The following IGF2R variants were observed in gnomAD, a reference collection of about 807,000 sequenced individuals.
IGF2R encodes cation-independent mannose-6-phosphate receptor.
IGF2R carries 91 observed loss-of-function variants against 270.6 expected under a neutral mutation model. The observed-to-expected ratio is 0.34, with a 90% confidence interval of 0.28 to 0.40. The LOEUF (loss-of-function observed/expected upper bound fraction) is 0.40, where lower values mean the gene tolerates loss of function less well. IGF2R is among the 10% of genes least tolerant of loss of function. The pLI is 1.00. For missense variants in IGF2R, 2,805 were observed against 3,188.3 expected (o/e 0.88, Z 2.90); for synonymous variants, 1,316 against 1,258.9 (o/e 1.05, Z -0.96).
chr6:160,074,171 G>C, intron 35 of IGF2R, 196 bp downstream of exon 35: 1 of 581,608 alleles, frequency 1.7e-6, no homozygotes, highest in East Asian at 2.9e-5. Context: ...GATGATGGTA[G>C]CCAGCCAGTC....
chr6:159,978,381 C>A (rs762721338), intron 1 of IGF2R, among the ~76,000 whole-genome samples: 1 of 151,794 alleles, frequency 6.6e-6, no homozygotes, highest in Non-Finnish European at 1.5e-5. Flanking sequence ...CACCCTCCTG[C>A]ATGTGGTGGC....
At chr6:160,096,771 C>T (rs1246440876) in intron 45 of IGF2R, 146 bp downstream of exon 45, 7 of 700,242 alleles carry the variant, frequency 1.0e-5, no homozygotes, top group Non-Finnish European at 1.1e-5. Flanking sequence ...GCGGACCCCA[C>T]ATAGTCAGTG....
At chr6:160,034,229 T>C (rs1187043088) in intron 9 of IGF2R, among the ~76,000 whole-genome samples, 190 bp from the exon 10 acceptor site, 1 of 152,238 alleles carries the variant, frequency 6.6e-6, no homozygotes, top group Non-Finnish European at 1.5e-5. Context: ...AGCGAGAGGA[T>C]GTCAAGTCCA....
intron 13 of IGF2R, 86 bp from the exon 14 acceptor site, chr6:160,045,659 A>G (rs1778052414): frequency 1.3e-5 from 20 of 1,539,944 alleles, no homozygotes; most frequent in Non-Finnish European, 1.8e-5. Flanking sequence ...TGTCCCTTCC[A>G]AGTCTACTTC....
intron 1 of IGF2R, among the ~76,000 whole-genome samples, chr6:159,972,849 A>G (rs1783631596): frequency 6.6e-6 from 1 of 152,178 alleles, no homozygotes; most frequent in African/African-American, 2.4e-5. Flanking sequence ...CATTTCCCAA[A>G]GTGTATCTGG....
At chr6:160,007,129 G>C (rs956491790) in intron 2 of IGF2R, 11 of 152,138 alleles carry the variant, frequency 7.2e-5, no homozygotes, top group Admixed American at 5.9e-4. Flanking sequence ...CCACTCTTCT[G>C]TTGATGGGCC....
chr6:159,983,459 G>A (rs2115175838), intron 1 of IGF2R, among the ~76,000 whole-genome samples: 1 of 152,346 alleles, frequency 6.6e-6, no homozygotes, highest in Non-Finnish European at 1.5e-5. Flanking sequence ...TTCAGCAGAA[G>A]CAGTGAGATT....
intron 1 of IGF2R, among the ~76,000 whole-genome samples, chr6:159,978,750 C>T (rs905943248): frequency 6.6e-6 from 1 of 152,180 alleles, no homozygotes; most frequent in Non-Finnish European, 1.5e-5. Context: ...CAGAGGGGCA[C>T]TTTCCTGTGA....
chr6:160,015,453 C>T (rs927203127), intron 4 of IGF2R, among the ~76,000 whole-genome samples: 59 of 152,172 alleles, frequency 3.9e-4, no homozygotes, highest in African/African-American at 1.4e-3. Flanking sequence ...TGCTGTGATG[C>T]GGAAGTTGGG....
At chr6:160,033,326 G>C (rs1339039493) in intron 9 of IGF2R, among the ~76,000 whole-genome samples, 2 of 152,192 alleles carry the variant, frequency 1.3e-5, no homozygotes, top group African/African-American at 4.8e-5. Flanking sequence ...TTGTAGACAT[G>C]GAGTTTTGCC....
rs762160992 is a variant in IGF2R at position 159,991,200 on chromosome 6, G to A, written c.166G>A (p.Val56Ile). The change falls in exon 2 of 48, where the codon GTT becomes ATT. Residue 56 changes from valine to isoleucine, a missense_variant. Transcript: ENST00000356956. ...PELCSYTWEAVDTKNNVLYKI... is the reference protein window; with the variant it reads ...PELCSYTWEAIDTKNNVLYKI... ...CCTTTCCAGTTATACATGGGAAGCT[G>A]TTGATACCAAAAATAATGTACTTTA... is the stretch of plus-strand genomic sequence containing the variant. 1.2e-6 allele frequency: 2 copies of A among 1,611,488 alleles called. No homozygotes were observed. The highest frequency in any genetic ancestry group is 1.7e-4 in the Middle Eastern group (1 of 6,056).
intron 26 of IGF2R, 44 bp downstream of exon 26, chr6:160,062,663 G>A: frequency 1.4e-6 from 2 of 1,394,856 alleles, no homozygotes; most frequent in African/African-American, 1.4e-5. Context: ...AATGTATAGA[G>A]TAGCAGACGT....
At chr6:159,988,299 A>G (rs947207734) in intron 1 of IGF2R, among the ~76,000 whole-genome samples, 2 of 152,058 alleles carry the variant, frequency 1.3e-5, no homozygotes, top group African/African-American at 4.8e-5. Context: ...GCGGATCACG[A>G]GATCAGGAGA....
At chr6:159,970,662 G>A (rs1783596182) in intron 1 of IGF2R, among the ~76,000 whole-genome samples, 1 of 152,204 alleles carries the variant, frequency 6.6e-6, no homozygotes, top group Non-Finnish European at 1.5e-5. Context: ...GCTACCCTAA[G>A]ATACATAGTT....
At chr6:160,091,754 G>A (rs1163886259) in intron 44 of IGF2R, among the ~76,000 whole-genome samples, 5 of 152,148 alleles carry the variant, frequency 3.3e-5, no homozygotes, top group South Asian at 4.1e-4. Context: ...CCCAGTGCTC[G>A]GTAAATCTTG....
Position 160,063,601 on chromosome 6 carries a change from G to A in IGF2R, c.3857G>A (p.Arg1286Gln), listed in dbSNP as rs547669372. 35 of 1,614,160 alleles carry A rather than the reference G, an allele frequency of 2.2e-5. No homozygotes were observed. In the South Asian group the frequency reaches 3.1e-4, roughly 14 times the overall value. Residue 1286 changes from arginine (R) to glutamine (Q), a missense_variant, in exon 27 of 48, where the codon CGG becomes CAG. Coordinates refer to ENST00000356956, the MANE Select transcript of IGF2R (RefSeq NM_000876.4). ...GTGGTCTCCTCATGTCAGGAAAAGC[G>A]GGAACCGCAGGGATTTCACAAAGTG... ...SKVVSSCQEK[R>Q]EPQGFHKVAG...
intron 1 of IGF2R, among the ~76,000 whole-genome samples, chr6:159,988,935 A>G (rs1253115229): frequency 6.6e-6 from 1 of 152,154 alleles, no homozygotes; most frequent in Non-Finnish European, 1.5e-5. Flanking sequence ...ACAAGCCTTT[A>G]TTGATGATTT....
chr6:160,026,949 C>T (rs1354475455), intron 5 of IGF2R, among the ~76,000 whole-genome samples: 1 of 152,138 alleles, frequency 6.6e-6, no homozygotes, highest in Non-Finnish European at 1.5e-5. Flanking sequence ...TTACAAATAA[C>T]ATCATAACCT....
intron 1 of IGF2R, among the ~76,000 whole-genome samples, chr6:159,988,512 C>CAAAAA (rs59531292): frequency 0.045 from 1,999 of 44,570 alleles, no homozygotes; most frequent in Non-Finnish European, 0.061. Flanking sequence ...GACTCCGTCT[C>CAAAAA]AAAAAAAAAA....
Sources: gnomAD v4.1 joint callset for allele counts (sites outside exome capture counted in the v4.1 genomes callset) on GRCh38, gnomAD v4.1.1 for gene constraint, MANE v1.5 for transcripts, NCBI Gene and HGNC (gene_info 2026-07-23, HGNC 2026-07-21) for gene names.